GNB4: variants seen among roughly 807,000 people sequenced by gnomAD.
GNB4 encodes guanine nucleotide-binding protein subunit beta-4.
GNB4 carries 28 observed loss-of-function variants against 45.2 expected under a neutral mutation model. That is an observed-to-expected ratio of 0.62 (90% CI 0.46 to 0.85). The LOEUF is 0.85. Among genes scored for constraint, GNB4 ranks in the 40% least tolerant of loss-of-function variants. GNB4 has a pLI of 0.00. For missense variants in GNB4, 321 were observed against 425.4 expected, an observed-to-expected ratio of 0.75 and a Z score of 2.16; for synonymous variants, 132 against 143.7, an observed-to-expected ratio of 0.92 and a Z score of 0.58.
chr3:179,517,639 T>C, the GNB4 span, among the ~76,000 whole-genome samples: 2 of 152,204 alleles, frequency 1.3e-5, no homozygotes, highest in African/African-American at 4.8e-5. Context: ...GTAAGCGGCC[T>C]CTCTTTACTC....
At chr3:179,416,390 T>C (rs1648508284) in intron 5 of GNB4, 103 bp downstream of exon 5, 1 of 667,346 alleles carries the variant, frequency 1.5e-6, no homozygotes, top group Non-Finnish European at 2.6e-6. Flanking sequence ...AATAAATTTA[T>C]CTCAGAAAGC....
chr3:179,471,205 A>C, the GNB4 span, among the ~76,000 whole-genome samples: 1 of 144,136 alleles, frequency 6.9e-6, no homozygotes, highest in South Asian at 2.2e-4. Flanking sequence ...AAGTATCAGC[A>C]AGCTAAGCTT....
At position 179,401,234 on chromosome 3, in the gene GNB4, A is replaced by G; in HGVS notation, c.1002T>C (p.Ser334=). 1 of 1,613,118 alleles carries G rather than the reference A, an allele frequency of 6.2e-7. No homozygotes were observed. Among genetic ancestry groups the G allele is most frequent in the South Asian group, 1.1e-5 (1 of 90,988 alleles). The change falls in exon 10 of 10, where the codon AGT becomes AGC. Residue 334 remains serine (S), a synonymous_variant. Coordinates refer to ENST00000232564, the MANE Select transcript of GNB4 (RefSeq NM_021629.4). Reference sequence around the variant, plus strand: ...ACTGTTAATTCCAGATTCTAAGAAAACTGTCCCAAGAGCCTGTTGCCACAG... The same window carrying G: ...ACTGTTAATTCCAGATTCTAAGAAAGCTGTCCCAAGAGCCTGTTGCCACAG... ...GMAVATGSWD[S]FLRIWN
the GNB4 span, among the ~76,000 whole-genome samples, chr3:179,516,883 T>C: frequency 6.6e-6 from 1 of 152,138 alleles, no homozygotes; most frequent in African/African-American, 2.4e-5. Context: ...GCATAACCAT[T>C]GCGCTGAGTG....
the GNB4 span, among the ~76,000 whole-genome samples, chr3:179,519,758 G>A: frequency 2.3e-4 from 35 of 151,986 alleles, no homozygotes; most frequent in Non-Finnish European, 3.5e-4. Flanking sequence ...CACAAGTATA[G>A]GACACCTCTA....
chr3:179,415,728 A>G (rs565738821), intron 5 of GNB4, among the ~76,000 whole-genome samples: 38 of 152,326 alleles, frequency 2.5e-4, no homozygotes, highest in African/African-American at 9.1e-4. Context: ...TTAACCTAAA[A>G]TAATACGCTT....
intron 1 of GNB4, among the ~76,000 whole-genome samples, chr3:179,433,125 G>A (rs1715351848): frequency 6.6e-6 from 1 of 151,722 alleles, no homozygotes; most frequent in South Asian, 2.1e-4. Flanking sequence ...AAAACACGAA[G>A]TGATTACAGA....
rs541998866 is a variant in GNB4, at chr3:179,400,401, C to G, written c.*812G>C. On this transcript the variant is annotated 3_prime_UTR_variant, in exon 10 of 10. Transcript: ENST00000232564. ...TGAGTATACGCTACAAACTTAGTTC[C>G]AAATATGAAATGAAAAGGAAAGTCC... 1 of 152,226 alleles carries G rather than the reference C, an allele frequency of 6.6e-6. No homozygotes were observed. Among genetic ancestry groups the G allele is most frequent in the South Asian group, 2.1e-4 (1 of 4,816 alleles). The allele number at this position is 152,226 out of a possible 1,614,324, so 9.4% of individuals were successfully genotyped here.
In GNB4 at chr3:179,409,832, A is replaced by C. The variant is rs538696327; in HGVS notation, c.699+3580T>G. ...TCAAAAAAAAAAACAAAAAAACAAAACAAAAAAAAAACTAGAAAAAGAAAA... is the reference window on the plus strand; with the variant it reads ...TCAAAAAAAAAAACAAAAAAACAAACCAAAAAAAAAACTAGAAAAAGAAAA... On this transcript the variant is annotated intron_variant, in intron 8 of 9. Coordinates refer to ENST00000232564, the MANE Select transcript of GNB4 (RefSeq NM_021629.4). Among the ~76,000 whole-genome samples the C allele has an allele frequency of 7.7e-3, 1,127 of 146,332 alleles. 21 individuals carry two copies. The highest frequency in any genetic ancestry group is 0.027 in the African/African-American group (1,046 of 39,054).
chr3:179,425,401 T>C (rs893846519), intron 2 of GNB4, among the ~76,000 whole-genome samples: 1 of 152,230 alleles, frequency 6.6e-6, no homozygotes, highest in African/African-American at 2.4e-5. Context: ...TAGTTGTTTC[T>C]TATCCTTACT....
At chr3:179,443,870 G>C (rs1318724024) in intron 1 of GNB4, among the ~76,000 whole-genome samples, 1 of 152,100 alleles carries the variant, frequency 6.6e-6, no homozygotes, top group Non-Finnish European at 1.5e-5. Context: ...AATGTTCTCG[G>C]AATCTATCAT....
At chr3:179,496,865 G>T in the GNB4 span, among the ~76,000 whole-genome samples, 6 of 151,956 alleles carry the variant, frequency 3.9e-5, no homozygotes, top group African/African-American at 1.4e-4. Flanking sequence ...AACTAAGAGA[G>T]AAATAAACAG....
the GNB4 span, among the ~76,000 whole-genome samples, chr3:179,495,564 GAAAGAGAA>G: frequency 1.1e-3 from 157 of 145,842 alleles, no homozygotes; most frequent in Non-Finnish European, 1.8e-3. Flanking sequence ...AGAAAAGAAA[GAAAGAGAA>G]AGAAAGAAAG....
At chr3:179,507,613 T>C in the GNB4 span, among the ~76,000 whole-genome samples, 2 of 152,174 alleles carry the variant, frequency 1.3e-5, no homozygotes, top group African/African-American at 4.8e-5. Flanking sequence ...CCTGGAGTGC[T>C]CTTCTCCCAT....
chr3:179,433,166 G>T (rs552420568), intron 1 of GNB4, among the ~76,000 whole-genome samples: 1 of 152,074 alleles, frequency 6.6e-6, no homozygotes, highest in East Asian at 1.9e-4. Context: ...CTAGTTATAG[G>T]CAAAACAGAA....
chr3:179,433,942 A>G (rs1715376060), intron 1 of GNB4, among the ~76,000 whole-genome samples: 1 of 152,240 alleles, frequency 6.6e-6, no homozygotes, highest in South Asian at 2.1e-4. Flanking sequence ...GCAAATTAAA[A>G]TAAGATAGAA....
At chr3:179,510,753 T>A in the GNB4 span, among the ~76,000 whole-genome samples, 1 of 152,196 alleles carries the variant, frequency 6.6e-6, no homozygotes, top group African/African-American at 2.4e-5. Flanking sequence ...GTTTGCCTTG[T>A]TATAGGCTGA....
intron 3 of GNB4, among the ~76,000 whole-genome samples, chr3:179,419,727 C>G (rs1054063982): frequency 6.6e-6 from 1 of 152,062 alleles, no homozygotes; most frequent in Middle Eastern, 3.4e-3. Context: ...AAATAATATA[C>G]ATAAATGTAT....
chr3:179,523,005 G>T, the GNB4 span, among the ~76,000 whole-genome samples: 30 of 152,162 alleles, frequency 2.0e-4, no homozygotes, highest in African/African-American at 6.3e-4. Flanking sequence ...AAGAGGAGTG[G>T]TGAAAGGATT....
Sources: allele counts gnomAD v4.1 joint callset (sites outside exome capture counted in the v4.1 genomes callset), GRCh38; gene constraint gnomAD v4.1.1; transcripts MANE v1.5; gene names NCBI Gene and HGNC (gene_info 2026-07-23, HGNC 2026-07-21).